GOLM2: variants seen among roughly 807,000 people sequenced by gnomAD.
GOLM2 encodes the protein protein GOLM2.
A neutral mutation model predicts 55.9 loss-of-function variants in GOLM2; 26 were observed. The observed-to-expected ratio is 0.47, with a 90% CI of 0.34 to 0.65. The LOEUF (loss-of-function observed/expected upper bound fraction) is 0.65. GOLM2 is among the 30% of genes least tolerant of loss of function. GOLM2 has a pLI of 0.01. For synonymous variants in GOLM2, 165 were observed against 194.6 expected, an observed-to-expected ratio of 0.85 and a Z score of 1.27; for missense variants, 486 against 531.8, an observed-to-expected ratio of 0.91 and a Z score of 0.85.
chr15:44,304,230 CTTTTTTTTTTTTTTTTTT>C (rs895623812), intron 1 of GOLM2, among the ~76,000 whole-genome samples: 2 of 82,874 alleles, frequency 2.4e-5, no homozygotes, highest in African/African-American at 1.0e-4. Context: ...GGCTCCACTT[CTTTTTTTTTTTTTTTTTT>C]TTTTTTTTTT....
chr15:44,360,115 C>A (rs2079226916), intron 6 of GOLM2, among the ~76,000 whole-genome samples: 1 of 152,084 alleles, frequency 6.6e-6, no homozygotes, highest in Admixed American at 6.6e-5. Flanking sequence ...AATGTAAAGA[C>A]CATCAAGACT....
In GOLM2 at chr15:44,293,202, G is replaced by A. The variant is rs1239023450; in HGVS notation, c.327+3846G>A. Among the ~76,000 whole-genome samples the A allele has an allele frequency of 3.9e-5, 6 of 152,306 alleles. 1 individual carries two copies. The Middle Eastern group carries it at 0.01, about 259-fold the overall frequency. ...GCCTTGGCCTTCTAAAGTGCCAGGT[G>A]TGAGCTACCATACCTGGCCACTTAA... On this transcript the variant is annotated intron_variant, in intron 1 of 9. Transcript: ENST00000299957.
intron 2 of GOLM2, among the ~76,000 whole-genome samples, 169 bp downstream of exon 2, chr15:44,323,188 G>T (rs2078962697): frequency 6.6e-6 from 1 of 152,040 alleles, no homozygotes; most frequent in Admixed American, 6.6e-5. Context: ...ATTATTTAAT[G>T]ATGCTTTATA....
intron 3 of GOLM2, among the ~76,000 whole-genome samples, chr15:44,329,917 T>TG: frequency 6.8e-6 from 1 of 147,060 alleles, no homozygotes; most frequent in African/African-American, 2.5e-5. Context: ...TTTTTTTTTT[T>TG]GAGATGGAGT....
intron 1 of GOLM2, among the ~76,000 whole-genome samples, chr15:44,294,678 C>T (rs144538468): frequency 0.011 from 1,550 of 146,898 alleles, 27 homozygotes; most frequent in African/African-American, 0.038. Context: ...CACGCCATTG[C>T]ACTCCAGCCT....
intron 1 of GOLM2, among the ~76,000 whole-genome samples, chr15:44,290,698 A>G (rs2141101203): frequency 6.6e-6 from 1 of 152,344 alleles, no homozygotes; most frequent in African/African-American, 2.4e-5. Flanking sequence ...GAGCATTACA[A>G]TTCACATTCT....
chr15:44,330,124 AT>A (rs1202076361), intron 3 of GOLM2, among the ~76,000 whole-genome samples: 2 of 143,452 alleles, frequency 1.4e-5, no homozygotes, highest in East Asian at 4.4e-4. Context: ...ATTAGCCAGG[AT>A]GGTCTCGATC....
chr15:44,301,199 G>T (rs1308421254), intron 1 of GOLM2, among the ~76,000 whole-genome samples: 2 of 152,104 alleles, frequency 1.3e-5, no homozygotes, highest in Non-Finnish European at 2.9e-5. Context: ...TCCCGCCTCA[G>T]CATCTCAAAG....
intron 1 of GOLM2, among the ~76,000 whole-genome samples, chr15:44,298,003 G>A (rs1467733032): frequency 1.2e-4 from 18 of 151,614 alleles, no homozygotes; most frequent in Non-Finnish European, 1.5e-5. Flanking sequence ...GAGTAGCTGG[G>A]ATTACAGGCA....
intron 1 of GOLM2, among the ~76,000 whole-genome samples, chr15:44,290,513 A>G (rs2078712975): frequency 6.6e-6 from 1 of 152,168 alleles, no homozygotes; most frequent in African/African-American, 2.4e-5. Flanking sequence ...GTGCTTCCCT[A>G]TAACCCCCTC....
intron 6 of GOLM2, among the ~76,000 whole-genome samples, chr15:44,346,615 C>T (rs982807500): frequency 6.6e-6 from 1 of 152,160 alleles, no homozygotes; most frequent in Non-Finnish European, 1.5e-5. Context: ...TGGCTAAAGG[C>T]AACTGTGTTG....
At chr15:44,406,339 G>T (rs2079597192) in intron 9 of GOLM2, 1 of 152,122 alleles carries the variant, frequency 6.6e-6, no homozygotes, top group Non-Finnish European at 1.5e-5. Flanking sequence ...GGTAAGCCGA[G>T]ATTGCACCAT....
chr15:44,379,638 T>TTTAA, intron 6 of GOLM2, 52 bp from the exon 7 acceptor site: 15 of 710,010 alleles, frequency 2.1e-5, no homozygotes, highest in Non-Finnish European at 2.3e-5. Flanking sequence ...TTTTTTTTTT[T>TTTAA]AGAAATCATA....
In GOLM2 at chr15:44,310,438, T is replaced by TTCTCTCTCTCTCTCTC. The variant is rs778563022; in HGVS notation, c.328-12525_328-12510dup. 1.1e-3 allele frequency among the ~76,000 whole-genome samples: 155 copies of TTCTCTCTCTCTCTCTC among 136,386 alleles called. No homozygotes were observed. The East Asian group carries it at 0.014, about 12-fold the overall frequency. The allele number at this position is 136,386 out of a possible 152,430, so 89.5% of individuals were successfully genotyped here. On this transcript the variant is annotated intron_variant, in intron 1 of 9. Transcript: ENST00000299957. ...TGGGCAACATAGTGAGAGTCTCTCT[T>TTCTCTCTCTCTCTCTC]TCTCTCTCTCTCTCTCTATATATAT...
At chr15:44,376,684 A>G (rs567247110) in intron 6 of GOLM2, among the ~76,000 whole-genome samples, 1 of 152,320 alleles carries the variant, frequency 6.6e-6, no homozygotes, top group African/African-American at 2.4e-5. Context: ...ATTGGAGGGT[A>G]AGGTTAGCAC....
Position 44,380,945 on chromosome 15 carries a change from C to T in GOLM2, c.1041C>T (p.Asp347=), listed in dbSNP as rs1033530632. The T allele has an allele frequency of 3.8e-6, 6 of 1,584,392 alleles. No individual in the cohort carries two copies. In the African/African-American group the frequency reaches 8.1e-5, roughly 21 times the overall value. The change falls in exon 8 of 10, where the codon GAC becomes GAT. Residue 347 remains aspartate (D), a synonymous_variant. Coordinates refer to ENST00000299957, the MANE Select transcript of GOLM2 (RefSeq NM_138423.4). ...QTDILKQATK[D]RVSDFHKLKQ... is the part of the protein sequence containing the mutation. ...ATATACTAAAGCAGGCTACCAAGGA[C>T]AGAGTCAGTGATTTCCATAAATTGA...
Position 44,292,125 on chromosome 15 carries a change from C to G in GOLM2, c.327+2769C>G, listed in dbSNP as rs1216454781. 3.3e-5 allele frequency among the ~76,000 whole-genome samples: 5 copies of G among 151,506 alleles called. No homozygotes were observed. In the South Asian group the frequency reaches 6.2e-4, roughly 19 times the overall value. On this transcript the variant is annotated intron_variant, in intron 1 of 9. Transcript: ENST00000299957. ...TTTGGCTAATATTTTATGCAGCTGG[C>G]TCACAAGACTGTATCTCTTATTGAA...
At chr15:44,334,248 A>G (rs1458446347) in intron 4 of GOLM2, among the ~76,000 whole-genome samples, 1 of 152,132 alleles carries the variant, frequency 6.6e-6, no homozygotes, top group Admixed American at 6.6e-5. Flanking sequence ...TACCCTCTAG[A>G]TCAGCTACCT....
intron 8 of GOLM2, among the ~76,000 whole-genome samples, chr15:44,395,649 G>A (rs1238699086): frequency 1.3e-5 from 2 of 151,798 alleles, no homozygotes; most frequent in Non-Finnish European, 2.9e-5. Context: ...AGACCATCCT[G>A]GCCAACATGA....
Sources: allele counts gnomAD v4.1 joint callset (sites outside exome capture counted in the v4.1 genomes callset), GRCh38; gene constraint gnomAD v4.1.1; transcripts MANE v1.5; gene names NCBI Gene and HGNC (gene_info 2026-07-23, HGNC 2026-07-21).